Variants in DTNA observed in about 807,000 individuals in gnomAD.
DTNA encodes dystrobrevin alpha, also known as dystrophin-related protein 3.
DTNA carries 43 observed loss-of-function variants against 100.7 expected under a neutral mutation model. The ratio of observed to expected loss-of-function variants is 0.43; its 90% confidence interval spans 0.33 to 0.55. The LOEUF (loss-of-function observed/expected upper bound fraction) is 0.55. Among genes scored for constraint, DTNA ranks in the 20% least tolerant of loss-of-function variants. The pLI, the probability that DTNA is intolerant of heterozygous loss-of-function variation, is 0.04. For synonymous variants in DTNA, 349 were observed against 347.9 expected (o/e 1.00, Z -0.04); for missense variants, 798 against 953.9 (o/e 0.84, Z 2.15).
Position 34,695,460 on chromosome 18 carries a change from C to A in DTNA, c.-1-60516C>A, listed in dbSNP as rs563219505. ...ACCTGGGGCTCGTGTGTAACATACA[C>A]AGCCTTAATAAGCTGTGGTTGCCTG... On this transcript the variant is annotated intron_variant, in intron 1 of 19. Transcript: ENST00000283365. 2.0e-5 allele frequency among the ~76,000 whole-genome samples: 3 copies of A among 152,316 alleles called. No homozygotes were observed. In the South Asian group the frequency reaches 6.2e-4, roughly 32 times the overall value.
At chr18:34,645,392 A>C (rs749214368) in intron 1 of DTNA, among the ~76,000 whole-genome samples, 2 of 152,144 alleles carry the variant, frequency 1.3e-5, no homozygotes, top group Non-Finnish European at 2.9e-5. Flanking sequence ...AAAGCTGAGA[A>C]TGTTATTCGT....
intron 9 of DTNA, among the ~76,000 whole-genome samples, chr18:34,826,015 AGCCTT>A (rs1263882901): frequency 6.6e-6 from 1 of 152,190 alleles, no homozygotes; most frequent in Non-Finnish European, 1.5e-5. Flanking sequence ...GTTTTAAACT[AGCCTT>A]GCGTTGCTCC....
At chr18:34,689,841 G>T (rs2079486183) in intron 1 of DTNA, among the ~76,000 whole-genome samples, 1 of 152,188 alleles carries the variant, frequency 6.6e-6, no homozygotes, top group Non-Finnish European at 1.5e-5. Context: ...GAGATGCCCT[G>T]CCCAGAGAGG....
Position 34,816,027 on chromosome 18 carries a change from T to C in DTNA, c.709+13T>C, listed in dbSNP as rs766806463. On this transcript the variant is annotated intron_variant, in intron 7 of 22. Transcript: ENST00000444659. ...AATGTGGAAAATGGTGAGTAGTTAC[T>C]AAGGAGCAAAGGTGATTTTTTAAAT... is the stretch of plus-strand genomic sequence containing the variant. 1.9e-6 allele frequency: 3 copies of C among 1,609,190 alleles called. No individual in the cohort carries two copies. The highest frequency in any genetic ancestry group is 1.3e-5 in the African/African-American group (1 of 74,926).
At chr18:34,787,017 G>A (rs984798528) in intron 3 of DTNA, among the ~76,000 whole-genome samples, 2 of 152,100 alleles carry the variant, frequency 1.3e-5, no homozygotes, top group Non-Finnish European at 1.5e-5. Context: ...TGCAGATTAC[G>A]ATTTTCTAGG....
chr18:34,726,536 A>G (rs1460541448), intron 1 of DTNA, among the ~76,000 whole-genome samples: 1 of 152,224 alleles, frequency 6.6e-6, no homozygotes, highest in African/African-American at 2.4e-5. Context: ...AAAGGGAAAA[A>G]TCAGCCTGAG....
chr18:34,512,583 G>A (rs2041199233), intron 1 of DTNA, among the ~76,000 whole-genome samples: 1 of 152,064 alleles, frequency 6.6e-6, no homozygotes, highest in South Asian at 2.1e-4. Flanking sequence ...CGCAGTGGCA[G>A]TGTGTGATAT....
Position 34,888,012 on chromosome 18 carries a change from A to G in DTNA, c.*278A>G. ...TGTGTTTCAAGAAGGAAAAAAAAAGACTTCTGTTCAAAGTTAACTTATCAG... is the reference window on the plus strand; with the variant it reads ...TGTGTTTCAAGAAGGAAAAAAAAAGGCTTCTGTTCAAAGTTAACTTATCAG... On this transcript the variant is annotated 3_prime_UTR_variant, in exon 23 of 23. Transcript: ENST00000444659. 1.0e-6 allele frequency: 1 copy of G among 985,806 alleles called. No homozygotes were observed. Among genetic ancestry groups the G allele is most frequent in the Non-Finnish European group, 1.2e-6 (1 of 829,940 alleles). The allele number at this position is 985,806 out of a possible 1,614,324, so 61.1% of individuals were successfully genotyped here.
intron 1 of DTNA, among the ~76,000 whole-genome samples, chr18:34,678,560 C>A (rs1179985056): frequency 1.3e-5 from 2 of 152,104 alleles, no homozygotes; most frequent in Admixed American, 6.6e-5. Flanking sequence ...TCCTAAGCTT[C>A]AAATTTTTGC....
At chr18:34,757,939 A>G (rs2092892206) in intron 2 of DTNA, among the ~76,000 whole-genome samples, 1 of 152,184 alleles carries the variant, frequency 6.6e-6, no homozygotes, top group African/African-American at 2.4e-5. Flanking sequence ...AATACGTCTG[A>G]CCTTAATAAT....
At chr18:34,684,141 G>A (rs1246268483) in intron 1 of DTNA, among the ~76,000 whole-genome samples, 3 of 151,960 alleles carry the variant, frequency 2.0e-5, no homozygotes, top group Non-Finnish European at 2.9e-5. Context: ...ACAACATTGT[G>A]ATGGGAGATT....
At chr18:34,856,447 T>G (rs2096553529) in intron 15 of DTNA, among the ~76,000 whole-genome samples, 1 of 152,222 alleles carries the variant, frequency 6.6e-6, no homozygotes, top group Admixed American at 6.5e-5. Context: ...AGGTAATGGT[T>G]CCTTATAGCA....
At chr18:34,636,798 T>C (rs949775530) in intron 1 of DTNA, among the ~76,000 whole-genome samples, 2 of 152,176 alleles carry the variant, frequency 1.3e-5, no homozygotes, top group Non-Finnish European at 2.9e-5. Flanking sequence ...TTTTAGGTCA[T>C]TGAGTTACAG....
At chr18:34,579,482 T>C (rs1263704429) in intron 1 of DTNA, among the ~76,000 whole-genome samples, 1 of 152,210 alleles carries the variant, frequency 6.6e-6, no homozygotes, top group Admixed American at 6.5e-5. Context: ...ATGTATTTGC[T>C]AAAAATAAAC....
Position 34,773,868 on chromosome 18 carries a change from A to G in DTNA, c.148+7827A>G, listed in dbSNP as rs374673685. Reference sequence around the variant, plus strand: ...TAATTAAAGCTGCTTCTTCCCTTTAATGGTTTTTAAGATCTTAAAAATCAG... The same window carrying G: ...TAATTAAAGCTGCTTCTTCCCTTTAGTGGTTTTTAAGATCTTAAAAATCAG... On this transcript the variant is annotated intron_variant, in intron 3 of 22. Coordinates refer to ENST00000444659, the MANE Select transcript of DTNA (RefSeq NM_001386795.1). 2.0e-4 allele frequency among the ~76,000 whole-genome samples: 31 copies of G among 152,282 alleles called. No individual in the cohort carries two copies. The South Asian group carries it at 6.4e-3, about 32-fold the overall frequency.
chr18:34,656,158 C>T (rs1385655915), intron 1 of DTNA, among the ~76,000 whole-genome samples: 1 of 152,012 alleles, frequency 6.6e-6, no homozygotes, highest in African/African-American at 2.4e-5. Flanking sequence ...TTTATAGAAC[C>T]CTTTTATAAA....
At chr18:34,820,036 T>C (rs1024423120) in intron 8 of DTNA, among the ~76,000 whole-genome samples, 2 of 150,520 alleles carry the variant, frequency 1.3e-5, no homozygotes, top group East Asian at 4.0e-4. Context: ...ACCTAATGTA[T>C]GTGGTAGGCT....
chr18:34,546,660 G>C (rs927524911), intron 1 of DTNA, among the ~76,000 whole-genome samples: 1 of 152,250 alleles, frequency 6.6e-6, no homozygotes, highest in African/African-American at 2.4e-5. Context: ...GTGACATTTT[G>C]TGGCTAAAAT....
intron 17 of DTNA, among the ~76,000 whole-genome samples, chr18:34,864,401 C>T (rs2096669985): frequency 6.6e-6 from 1 of 152,076 alleles, no homozygotes; most frequent in Admixed American, 6.5e-5. Flanking sequence ...CTACAGGCCC[C>T]CGCCACCGCG....
Sources: allele counts gnomAD v4.1 joint callset (sites outside exome capture counted in the v4.1 genomes callset), GRCh38; gene constraint gnomAD v4.1.1; transcripts MANE v1.5; gene names NCBI Gene and HGNC (gene_info 2026-07-23, HGNC 2026-07-21).